ROBO1: variants seen among roughly 807,000 people sequenced by gnomAD.
ROBO1 encodes roundabout homolog 1.
Under a neutral mutation model 195.9 loss-of-function variants are expected in ROBO1, and 149 were observed. That is an observed-to-expected ratio of 0.76 (90% CI 0.67 to 0.87). The LOEUF (loss-of-function observed/expected upper bound fraction) is 0.87, where lower values mean the gene tolerates loss of function less well. ROBO1 is among the 40% of genes least tolerant of loss of function. ROBO1 has a pLI of 0.00. For synonymous variants in ROBO1, 816 were observed against 733.2 expected (o/e 1.11, Z -1.82); for missense variants, 1,933 against 2,068.3 (o/e 0.93, Z 1.27).
intron 3 of ROBO1, among the ~76,000 whole-genome samples, chr3:79,068,511 T>C (rs1000659688): frequency 2.0e-5 from 3 of 151,884 alleles, no homozygotes; most frequent in African/African-American, 7.2e-5. Flanking sequence ...CTTTACTTTC[T>C]CTCTTCCTAC....
intron 3 of ROBO1, among the ~76,000 whole-genome samples, chr3:79,057,040 G>A (rs1468762449): frequency 1.3e-5 from 2 of 152,028 alleles, no homozygotes; most frequent in South Asian, 2.1e-4. Context: ...GATTTTATTG[G>A]CATTTTTGGC....
intron 2 of ROBO1, among the ~76,000 whole-genome samples, chr3:79,163,817 T>C (rs1203919885): frequency 6.6e-6 from 1 of 152,158 alleles, no homozygotes; most frequent in Non-Finnish European, 1.5e-5. Flanking sequence ...TCCTCACTTA[T>C]TTGTGTACTT....
intron 8 of ROBO1, among the ~76,000 whole-genome samples, chr3:78,698,216 A>G (rs1160410944): frequency 1.3e-5 from 2 of 152,202 alleles, no homozygotes; most frequent in East Asian, 1.9e-4. Flanking sequence ...CCAAATTCTC[A>G]AGTAGTAAAA....
chr3:79,604,979 G>A (rs1280171469), intron 1 of ROBO1, among the ~76,000 whole-genome samples: 1 of 151,978 alleles, frequency 6.6e-6, no homozygotes, highest in Admixed American at 6.6e-5. Flanking sequence ...TCCTTAAGAA[G>A]AGTTGTCTCT....
intron 2 of ROBO1, among the ~76,000 whole-genome samples, chr3:79,300,180 G>A (rs1472596847): frequency 6.6e-6 from 1 of 152,200 alleles, no homozygotes; most frequent in South Asian, 2.1e-4. Flanking sequence ...GGCTGGCCAA[G>A]GCCGAGCCGG....
At chr3:79,296,247 TAA>T (rs1325008515) in intron 2 of ROBO1, among the ~76,000 whole-genome samples, 2 of 152,192 alleles carry the variant, frequency 1.3e-5, no homozygotes, top group Non-Finnish European at 2.9e-5. Context: ...TTTATTACCT[TAA>T]GAGTTAAAAT....
At chr3:79,383,267 G>C (rs905537191) in intron 2 of ROBO1, among the ~76,000 whole-genome samples, 23 of 151,910 alleles carry the variant, frequency 1.5e-4, no homozygotes, top group Admixed American at 1.5e-3. Flanking sequence ...TATTCCACTA[G>C]GGAGCTGTAA....
chr3:78,905,726 G>A (rs1333756606), intron 4 of ROBO1, among the ~76,000 whole-genome samples: 6 of 152,058 alleles, frequency 3.9e-5, no homozygotes, highest in African/African-American at 1.2e-4. Context: ...ATATAATTAA[G>A]CACTCACTAT....
chr3:79,323,670 A>G (rs1003017107), intron 2 of ROBO1, among the ~76,000 whole-genome samples: 1 of 152,194 alleles, frequency 6.6e-6, no homozygotes, highest in African/African-American at 2.4e-5. Context: ...CATTTACTTG[A>G]GTTTATAAAC....
chr3:78,975,359 T>C (rs1301847913), intron 3 of ROBO1, among the ~76,000 whole-genome samples: 1 of 152,130 alleles, frequency 6.6e-6, no homozygotes, highest in Admixed American at 6.6e-5. Context: ...TCAGATAAAA[T>C]AACTTTGGTA....
At chr3:79,608,845 A>G (rs1389150296) in intron 1 of ROBO1, among the ~76,000 whole-genome samples, 1 of 151,942 alleles carries the variant, frequency 6.6e-6, no homozygotes, top group African/African-American at 2.4e-5. Flanking sequence ...CCTCTCAAAA[A>G]TACACATGTT....
At chr3:78,599,606 C>A (rs1466010215) in intron 30 of ROBO1, among the ~76,000 whole-genome samples, 2 of 149,516 alleles carry the variant, frequency 1.3e-5, no homozygotes, top group East Asian at 4.0e-4. Context: ...GAGAGTATAT[C>A]TTTGACGTAA....
intron 2 of ROBO1, among the ~76,000 whole-genome samples, chr3:79,381,224 G>A (rs1478431371): frequency 6.6e-6 from 1 of 151,714 alleles, no homozygotes; most frequent in Non-Finnish European, 1.5e-5. Flanking sequence ...GGGCGTGGAG[G>A]CAGGTGCCTG....
chr3:79,371,316 A>G (rs1029528455), intron 2 of ROBO1, among the ~76,000 whole-genome samples: 1 of 152,182 alleles, frequency 6.6e-6, no homozygotes, highest in Non-Finnish European at 1.5e-5. Flanking sequence ...CCTGCCAGAT[A>G]TAGCTTCTGG....
At chr3:79,127,188 C>CA (rs1350050371) in intron 2 of ROBO1, among the ~76,000 whole-genome samples, 1 of 152,090 alleles carries the variant, frequency 6.6e-6, no homozygotes, top group African/African-American at 2.4e-5. Context: ...TTATTACACG[C>CA]ACACGTTGTT....
chr3:78,782,604 C>T (rs766820956), intron 4 of ROBO1, among the ~76,000 whole-genome samples: 1 of 152,158 alleles, frequency 6.6e-6, no homozygotes, highest in Non-Finnish European at 1.5e-5. Flanking sequence ...GAAATATTTT[C>T]CTGTGTATCA....
intron 2 of ROBO1, among the ~76,000 whole-genome samples, chr3:79,306,003 A>T (rs2033200857): frequency 6.6e-6 from 1 of 152,232 alleles, no homozygotes; most frequent in South Asian, 2.1e-4. Context: ...TCCAAAAGGC[A>T]ATTGAAACAG....
intron 2 of ROBO1, among the ~76,000 whole-genome samples, chr3:79,224,890 A>G (rs2082198732): frequency 6.6e-6 from 1 of 152,182 alleles, no homozygotes; most frequent in Non-Finnish European, 1.5e-5. Flanking sequence ...GCAAAAATAA[A>G]TACGTAAATC....
chr3:79,676,793 G>T (rs193288501), intron 1 of ROBO1, among the ~76,000 whole-genome samples: 20 of 152,126 alleles, frequency 1.3e-4, no homozygotes, highest in Admixed American at 1.3e-3. Flanking sequence ...GGTGACAGTT[G>T]ATTACACACA....
Sources: gnomAD v4.1 joint callset for allele counts (sites outside exome capture counted in the v4.1 genomes callset) on GRCh38, gnomAD v4.1.1 for gene constraint, MANE v1.5 for transcripts, NCBI Gene and HGNC (gene_info 2026-07-23, HGNC 2026-07-21) for gene names.